The following FRY variants were observed in gnomAD, a reference collection of about 807,000 sequenced individuals.
FRY encodes FRY microtubule binding protein.
A neutral mutation model predicts 348.4 loss-of-function variants in FRY; 128 were observed. The ratio of observed to expected loss-of-function variants is 0.37; its 90% CI spans 0.32 to 0.43. The LOEUF is 0.43. Among genes scored for constraint, FRY ranks in the 20% least tolerant of loss-of-function variants. The pLI is 1.00. For missense variants in FRY, 2,736 were observed against 3,695.2 expected, an observed-to-expected ratio of 0.74 and a Z score of 6.73; for synonymous variants, 1,370 against 1,374.7, an observed-to-expected ratio of 1.00 and a Z score of 0.08.
chr13:32,158,971 AAAAAAG>A (rs1881280221), intron 16 of FRY, among the ~76,000 whole-genome samples: 1 of 151,102 alleles, frequency 6.6e-6, no homozygotes, highest in East Asian at 1.9e-4. Flanking sequence ...AAAAAAAAAA[AAAAAAG>A]AGCTTTAAAG....
intron 44 of FRY, among the ~76,000 whole-genome samples, chr13:32,238,302 T>C (rs866081040): frequency 2.8e-4 from 5 of 17,668 alleles, no homozygotes; most frequent in Admixed American, 5.1e-4. Flanking sequence ...AAAAAAAAAT[T>C]TTTTTTTCTT....
At chr13:32,042,802 A>C (rs891281888) in intron 1 of FRY, among the ~76,000 whole-genome samples, 1 of 152,210 alleles carries the variant, frequency 6.6e-6, no homozygotes, top group African/African-American at 2.4e-5. Context: ...GCAAAGTTGA[A>C]TGGAATAGCC....
At chr13:32,170,297 G>A (rs1397598327) in intron 17 of FRY, among the ~76,000 whole-genome samples, 2 of 152,212 alleles carry the variant, frequency 1.3e-5, no homozygotes, top group Non-Finnish European at 1.5e-5. Flanking sequence ...ACAGCTAAAT[G>A]CAGTGTGGTA....
chr13:32,125,825 T>A (rs379486), intron 7 of FRY, among the ~76,000 whole-genome samples: 72,302 of 151,976 alleles, frequency 0.48, 18,040 homozygotes, highest in South Asian at 0.67. Context: ...ATATTTTTTT[T>A]AATATATAAC....
At chr13:32,276,334 A>C in intron 56 of FRY, 130 bp from the exon 57 acceptor site, 1 of 684,772 alleles carries the variant, frequency 1.5e-6, no homozygotes, top group Non-Finnish European at 2.7e-6. Flanking sequence ...TCCAAATTTC[A>C]CAGCTTATTA....
At chr13:32,263,016 G>A (rs1370828435) in intron 53 of FRY, among the ~76,000 whole-genome samples, 1 of 152,192 alleles carries the variant, frequency 6.6e-6, no homozygotes, top group African/African-American at 2.4e-5. Flanking sequence ...GAGGAGAAAA[G>A]TAACTAATGG....
chr13:32,262,575 A>G lies in FRY; in HGVS notation c.7779+100A>G, dbSNP rs1382716892. 9 of 864,348 alleles carry G rather than the reference A, an allele frequency of 1.0e-5. No individual in the cohort carries two copies. In the African/African-American group the frequency reaches 1.5e-4, roughly 15 times the overall value. The allele number at this position is 864,348 out of a possible 1,614,324, so 53.5% of individuals were successfully genotyped here. A position where few individuals can be genotyped will look rare whatever the true frequency, so the allele number is the denominator to read the frequency against. ...AATTCTTAAGGGGTCTCAAGTAGAA[A>G]GACTATCTTTATCTTTTTCTTTCTC... On this transcript the variant is annotated intron_variant, in intron 53 of 60. Transcript: ENST00000542859.
intron 29 of FRY, 74 bp downstream of exon 29, chr13:32,194,371 G>A: frequency 7.2e-7 from 1 of 1,382,880 alleles, no homozygotes; most frequent in Non-Finnish European, 1.0e-6. Context: ...ATGACGGAGA[G>A]CTGTTTTGCA....
chr13:32,168,447 GGGCACTGA>G (rs1306706702), intron 17 of FRY, among the ~76,000 whole-genome samples: 4 of 152,166 alleles, frequency 2.6e-5, no homozygotes, highest in African/African-American at 9.7e-5. Context: ...TCAAATATCT[GGGCACTGA>G]GGCCCAGCCA....
At chr13:32,270,209 CTT>C (rs754618805) in intron 55 of FRY, among the ~76,000 whole-genome samples, 35 of 140,614 alleles carry the variant, frequency 2.5e-4, no homozygotes, top group African/African-American at 3.1e-4. Context: ...TTTCTAAAAG[CTT>C]TTTTTTTTTT....
Position 32,186,326 on chromosome 13 carries a change from A to G in FRY, c.3386A>G (p.Gln1129Arg). ...CACCACCTTTTCATCTTATTCAGCC[A>G]GTGGGCAGGACCCTTCAGCATTATG... ...LRHHLFILFS[Q>R]WAGPFSIMFT... Residue 1129 changes from glutamine (Q) to arginine (R), a missense_variant, in exon 27 of 61, where the codon CAG becomes CGG. Physicochemically the swap from Gln to Arg is conservative, Grantham distance 43. Coordinates refer to ENST00000542859, the MANE Select transcript of FRY (RefSeq NM_023037.3). The G allele has an allele frequency of 6.2e-7, 1 of 1,612,200 alleles. No homozygotes were observed. Among genetic ancestry groups the G allele is most frequent in the Non-Finnish European group, 8.5e-7 (1 of 1,178,244 alleles).
chr13:32,210,579 G>A (rs1312388893), intron 33 of FRY, among the ~76,000 whole-genome samples: 1 of 152,132 alleles, frequency 6.6e-6, no homozygotes, highest in African/African-American at 2.4e-5. Flanking sequence ...AACTTTGATG[G>A]CAAGTTTTCA....
intron 4 of FRY, among the ~76,000 whole-genome samples, chr13:32,120,128 T>G (rs1878558388): frequency 6.6e-6 from 1 of 152,192 alleles, no homozygotes; most frequent in African/African-American, 2.4e-5. Context: ...TTGGTTTTAT[T>G]TAATATATAC....
chr13:32,149,911 A>G, intron 14 of FRY, 77 bp downstream of exon 14: 1 of 862,740 alleles, frequency 1.2e-6, no homozygotes, highest in Non-Finnish European at 2.0e-6. Flanking sequence ...GCTTTGGAGA[A>G]TGGGATGAGG....
chr13:32,271,047 C>T (rs1214223838), intron 55 of FRY, among the ~76,000 whole-genome samples: 1 of 152,230 alleles, frequency 6.6e-6, no homozygotes, highest in Non-Finnish European at 1.5e-5. Flanking sequence ...CCCACCTACC[C>T]AGATATGCAG....
In FRY at chr13:32,237,945, C is replaced by T; in HGVS notation, c.6377C>T (p.Pro2126Leu). ...LTLQLFSLLTPVSKISMVDAS... is the reference protein window; with the variant it reads ...LTLQLFSLLTLVSKISMVDAS... ...CTGCAGCTCTTCAGTCTGCTGACAC[C>T]AGTGTCCAAAATATCCATGGTGGAT... is the stretch of plus-strand genomic sequence containing the variant. The change falls in exon 44 of 61, where the codon CCA becomes CTA. Residue 2126 changes from proline (P) to leucine (L), a missense_variant. By Grantham distance (98) the Pro-to-Leu change is moderately conservative. Around this residue, in one of 9 missense-constraint regions of FRY, gnomAD observed 789 missense variants for 996.2 expected, o/e 0.79. Transcript: ENST00000542859. This position sits in a 1 kb window ranked among gnomAD's most constrained non-coding sequence, Gnocchi z 6.3. The T allele has an allele frequency of 1.2e-6, 2 of 1,614,076 alleles. No individual in the cohort carries two copies. Among genetic ancestry groups the T allele is most frequent in the Non-Finnish European group, 1.7e-6 (2 of 1,179,984 alleles).
intron 17 of FRY, among the ~76,000 whole-genome samples, chr13:32,169,219 T>G (rs1881919537): frequency 6.6e-6 from 1 of 152,234 alleles, no homozygotes; most frequent in South Asian, 2.1e-4. Flanking sequence ...TGCAGTGACC[T>G]CTTAGATGGT....
At chr13:32,116,676 A>G (rs1375874933) in intron 3 of FRY, among the ~76,000 whole-genome samples, 2 of 152,254 alleles carry the variant, frequency 1.3e-5, no homozygotes, top group African/African-American at 2.4e-5. Flanking sequence ...GTGTTTTTTT[A>G]TAGTAATCAG....
At chr13:32,272,019 A>AT (rs1326130847) in intron 55 of FRY, among the ~76,000 whole-genome samples, 3 of 152,180 alleles carry the variant, frequency 2.0e-5, no homozygotes, top group Non-Finnish European at 4.4e-5. Context: ...TAATATAATA[A>AT]TTTTTTAAAA....
Sources: gnomAD v4.1 joint callset for allele counts (sites outside exome capture counted in the v4.1 genomes callset) on GRCh38, gnomAD v4.1.1 for gene constraint, gnomAD v4.1.1 regional missense constraint, Gnocchi (gnomAD v3.1) non-coding constraint, MANE v1.5 for transcripts, NCBI Gene and HGNC (gene_info 2026-07-23, HGNC 2026-07-21) for gene names.